SWT1: variants seen among roughly 807,000 people sequenced by gnomAD.
SWT1 encodes transcriptional protein SWT1.
SWT1 carries 33 observed loss-of-function variants against 107.3 expected under a neutral mutation model. That is an observed-to-expected ratio of 0.31 (90% CI 0.23 to 0.41). The LOEUF (loss-of-function observed/expected upper bound fraction) is 0.41, where lower values mean the gene tolerates loss of function less well. Ranked by LOEUF, SWT1 falls within the 10% of genes least tolerant of loss-of-function variation. SWT1 has a pLI of 1.00. For synonymous variants in SWT1, 345 were observed against 348.3 expected (o/e 0.99, Z 0.11); for missense variants, 898 against 1,028.9 (o/e 0.87, Z 1.74).
chr1:185,168,332 T>TTAA lies in SWT1; in HGVS notation c.166-8_166-7insTAA, dbSNP rs1553250554. 6.9e-4 allele frequency: 876 copies of TTAA among 1,261,904 alleles called. 2 individuals carry two copies. Among genetic ancestry groups the TTAA allele is most frequent in the South Asian group, 1.1e-3 (71 of 65,828 alleles). 78.2% of individuals were successfully genotyped at this position (1,261,904 alleles called of 1,614,324 possible). On this transcript the variant is annotated splice_polypyrimidine_tract_variant and splice_region_variant and intron_variant, in intron 3 of 18. Transcript: ENST00000367500. ...ACAATTTATGTGTCCTTTTTTTATTTATTTCAGAAATCAGATCATACAGAT... is the reference window on the plus strand; with the variant it reads ...ACAATTTATGTGTCCTTTTTTTATTTTAAATTTCAGAAATCAGATCATACAGAT...
At chr1:185,160,794 G>T in intron 1 of SWT1, 39 bp from the exon 2 acceptor site, 2 of 1,437,020 alleles carry the variant, frequency 1.4e-6, no homozygotes, top group Non-Finnish European at 1.9e-6. Flanking sequence ...TTCTTTTTGA[G>T]TGCAAAAACA....
chr1:185,265,978 A>G (rs1558088972), intron 16 of SWT1, among the ~76,000 whole-genome samples: 1 of 152,204 alleles, frequency 6.6e-6, no homozygotes, highest in Non-Finnish European at 1.5e-5. Context: ...AGAAGGGACC[A>G]CAATTTATTC....
At chr1:185,192,416 A>G (rs1263707619) in intron 10 of SWT1, among the ~76,000 whole-genome samples, 4 of 152,118 alleles carry the variant, frequency 2.6e-5, no homozygotes, top group East Asian at 1.9e-4. Flanking sequence ...TTCATGATCT[A>G]TATACAGTGA....
At chr1:185,239,526 A>G (rs759115160) in intron 16 of SWT1, among the ~76,000 whole-genome samples, 1 of 152,068 alleles carries the variant, frequency 6.6e-6, no homozygotes, top group Non-Finnish European at 1.5e-5. Flanking sequence ...GCAAATTCCT[A>G]TATTTTCTGA....
At chr1:185,198,495 C>G (rs1368759300) in intron 10 of SWT1, among the ~76,000 whole-genome samples, 1 of 152,174 alleles carries the variant, frequency 6.6e-6, no homozygotes, top group Non-Finnish European at 1.5e-5. Flanking sequence ...TGTTACTTTT[C>G]TGTCTTGTTG....
intron 5 of SWT1, among the ~76,000 whole-genome samples, chr1:185,177,984 A>G (rs192689633): frequency 6.6e-6 from 1 of 152,234 alleles, no homozygotes; most frequent in South Asian, 2.1e-4. Context: ...TAAGATGATT[A>G]TTAGCCTCAA....
In SWT1 at chr1:185,275,652, T is replaced by C. The variant is rs1172208724; in HGVS notation, c.2509-952T>C. On this transcript the variant is annotated intron_variant, in intron 17 of 18. Coordinates refer to ENST00000367500, the MANE Select transcript of SWT1 (RefSeq NM_017673.7). ...CTCCCACCTTGACCTTCCAAAGTGC[T>C]GGGATTACAGGCATGAGCTGTTGCA... is the stretch of plus-strand genomic sequence containing the variant. Among the ~76,000 whole-genome samples, 4 of 151,904 alleles carry C rather than the reference T, an allele frequency of 2.6e-5. No individual in the cohort carries two copies. The East Asian group carries it at 5.8e-4, about 22-fold the overall frequency.
chr1:185,234,129 G>C (rs1203894149), intron 16 of SWT1, among the ~76,000 whole-genome samples: 2 of 152,140 alleles, frequency 1.3e-5, no homozygotes, highest in Non-Finnish European at 2.9e-5. Flanking sequence ...TGTCTGTTAG[G>C]TCTGCCTGGT....
intron 10 of SWT1, among the ~76,000 whole-genome samples, chr1:185,202,386 C>A (rs998112278): frequency 3.3e-5 from 5 of 152,086 alleles, no homozygotes; most frequent in African/African-American, 1.2e-4. Flanking sequence ...CTCAATTCCC[C>A]ATCTGTGAAA....
At chr1:185,223,486 T>A (rs1659827379) in intron 15 of SWT1, among the ~76,000 whole-genome samples, 1 of 152,102 alleles carries the variant, frequency 6.6e-6, no homozygotes. Flanking sequence ...TGGCCAACAC[T>A]TTTCTTCTTT....
At chr1:185,274,645 A>G (rs911278076) in intron 17 of SWT1, among the ~76,000 whole-genome samples, 1 of 152,096 alleles carries the variant, frequency 6.6e-6, no homozygotes, top group African/African-American at 2.4e-5. Context: ...AGCCATTTCT[A>G]ATATCTGGCT....
chr1:185,224,589 T>C (rs1381405493), intron 15 of SWT1, among the ~76,000 whole-genome samples: 2 of 152,218 alleles, frequency 1.3e-5, no homozygotes, highest in Non-Finnish European at 2.9e-5. Context: ...TTTGATGATA[T>C]TAATTCTTCC....
At chr1:185,181,000 G>T (rs1655973719) in intron 6 of SWT1, among the ~76,000 whole-genome samples, 1 of 152,172 alleles carries the variant, frequency 6.6e-6, no homozygotes, top group Non-Finnish European at 1.5e-5. Context: ...AAGCACCGTG[G>T]CTCAAGCCTG....
Position 185,253,188 on chromosome 1 carries a change from T to C in SWT1, c.2442-18135T>C, listed in dbSNP as rs1188492395. Among the ~76,000 whole-genome samples, 3 of 150,140 alleles carry C rather than the reference T, an allele frequency of 2.0e-5. No homozygotes were observed. In the East Asian group the frequency reaches 5.9e-4, roughly 29 times the overall value. On this transcript the variant is annotated intron_variant, in intron 16 of 18. Coordinates refer to ENST00000367500, the MANE Select transcript of SWT1 (RefSeq NM_017673.7). ...CCATGCTGTTTTGGTTACTGTAGCC[T>C]TGTAGTATAGTTTGAAGTCAGGTAG... is the stretch of plus-strand genomic sequence containing the variant.
At chr1:185,221,790 CTT>C (rs888347627) in intron 14 of SWT1, 57 bp from the exon 15 acceptor site, 3 of 1,278,712 alleles carry the variant, frequency 2.3e-6, no homozygotes, top group Non-Finnish European at 3.2e-6. Flanking sequence ...TTGCCACTCT[CTT>C]TTTCTCCTCT....
intron 5 of SWT1, 147 bp from the exon 6 acceptor site, chr1:185,180,244 A>G: frequency 1.6e-6 from 1 of 632,072 alleles, no homozygotes; most frequent in Non-Finnish European, 2.8e-6. Flanking sequence ...TGGAGGATAG[A>G]GGTCAGTGAT....
intron 18 of SWT1, among the ~76,000 whole-genome samples, chr1:185,277,879 G>T (rs1664350773): frequency 6.6e-6 from 1 of 150,970 alleles, no homozygotes. Context: ...GCTGATTTTT[G>T]AACTTAAATG....
intron 16 of SWT1, among the ~76,000 whole-genome samples, chr1:185,242,019 T>G (rs1661282973): frequency 6.6e-6 from 1 of 152,150 alleles, no homozygotes; most frequent in Non-Finnish European, 1.5e-5. Flanking sequence ...AGATTATTAC[T>G]TATGGATTAC....
rs1653655714 is a variant in SWT1 at position 185,157,226 on chromosome 1, G to GGGCGGGGTGTGTGTGTGTGTTGGGA, written c.-90_-66dup. On this transcript the variant is annotated 5_prime_UTR_variant, in exon 1 of 19. The change abolishes the stop of an existing upstream ORF in the 5' untranslated region. Coordinates refer to ENST00000367500, the MANE Select transcript of SWT1 (RefSeq NM_017673.7). ...TTTCCCAGCAGGCATACAGTTGGTGGGGCGGGGTGTGTGTGTGTGTTGGGA... is the reference window on the plus strand; with the variant it reads ...TTTCCCAGCAGGCATACAGTTGGTGGGGCGGGGTGTGTGTGTGTGTTGGGAGGCGGGGTGTGTGTGTGTGTTGGGA... 6.4e-6 allele frequency: 1 copy of GGGCGGGGTGTGTGTGTGTGTTGGGA among 156,380 alleles called. No individual in the cohort carries two copies. Among genetic ancestry groups the GGGCGGGGTGTGTGTGTGTGTTGGGA allele is most frequent in the African/African-American group, 2.4e-5 (1 of 41,476 alleles). 9.7% of individuals were successfully genotyped at this position (156,380 alleles called of 1,614,324 possible).
Sources: gnomAD v4.1 joint callset for allele counts (sites outside exome capture counted in the v4.1 genomes callset) on GRCh38, gnomAD v4.1.1 for gene constraint, MANE v1.5 for transcripts, NCBI Gene and HGNC (gene_info 2026-07-23, HGNC 2026-07-21) for gene names.